GLIS3: variants seen among roughly 807,000 people sequenced by gnomAD.
GLIS3 encodes zinc finger protein GLIS3.
GLIS3 carries 53 observed loss-of-function variants against 78.6 expected under a neutral mutation model. The observed-to-expected ratio is 0.67, with a 90% CI of 0.54 to 0.85. GLIS3 has a LOEUF of 0.85. Among genes scored for constraint, GLIS3 ranks in the 40% least tolerant of loss-of-function variants. GLIS3 has a pLI of 0.00. For missense variants in GLIS3, 1,703 were observed against 1,231.1 expected (o/e 1.38, Z -5.74); for synonymous variants, 684 against 509.9 (o/e 1.34, Z -4.60).
At chr9:4,073,238 AT>A (rs1329388069) in intron 4 of GLIS3, among the ~76,000 whole-genome samples, 1 of 152,216 alleles carries the variant, frequency 6.6e-6, no homozygotes, top group Admixed American at 6.5e-5. Context: ...CTGGGCTAGC[AT>A]AGAGCACTGA....
At chr9:4,021,973 G>A (rs1285392330) in intron 4 of GLIS3, among the ~76,000 whole-genome samples, 1 of 152,134 alleles carries the variant, frequency 6.6e-6, no homozygotes, top group Non-Finnish European at 1.5e-5. Flanking sequence ...TTAAATAGCG[G>A]CTCGGTTAGT....
At chr9:4,389,061 C>T in the GLIS3 span, among the ~76,000 whole-genome samples, 73 of 152,264 alleles carry the variant, frequency 4.8e-4, 1 homozygote, top group Admixed American at 2.6e-3. Flanking sequence ...CCACAGCCTC[C>T]GTAAGCCTGA....
At chr9:4,237,513 C>T (rs1447203327) in intron 2 of GLIS3, among the ~76,000 whole-genome samples, 1 of 152,212 alleles carries the variant, frequency 6.6e-6, no homozygotes, top group African/African-American at 2.4e-5. Context: ...AGCCCTAGGG[C>T]ATGGCTGAAA....
rs374530678 is a variant in GLIS3 at position 4,117,837 on chromosome 9, G to A, written c.1641C>T (p.Pro547=). The change falls in exon 4 of 11, where the codon CCC becomes CCT. Residue 547 remains proline (P), a synonymous_variant. Transcript: ENST00000381971. The part of the protein sequence containing the change: ...FWAGCPRRYK[P]FNARYKLLIH... ...TCAGCAGTTTATAGCGGGCGTTGAA[G>A]GGCTTGTATCTTCGAGGGCAACCGG... The A allele has an allele frequency of 1.2e-5, 20 of 1,614,032 alleles. No individual in the cohort carries two copies. The highest frequency in any genetic ancestry group is 1.6e-5 in the Non-Finnish European group (19 of 1,180,034).
intron 4 of GLIS3, among the ~76,000 whole-genome samples, chr9:4,033,323 G>C (rs1222140291): frequency 2.0e-5 from 3 of 152,032 alleles, no homozygotes; most frequent in African/African-American, 7.2e-5. Flanking sequence ...ACCCCTTAAG[G>C]CTGCAGCGCA....
rs577649545 is a variant in GLIS3, at chr9:4,345,205, G to A, written n.264+1876C>T. Among the ~76,000 whole-genome samples the A allele has an allele frequency of 5.9e-5, 9 of 152,178 alleles. No homozygotes were observed. The South Asian group carries it at 6.2e-4, about 11-fold the overall frequency. ...GCCCCTGCGTTACCTCTGTGACCTC[G>A]TTTCCTACCTTTGCCCTTCCTTCAT... is the stretch of plus-strand genomic sequence containing the variant. On this transcript the variant is annotated intron_variant and non_coding_transcript_variant, in intron 2 of 4. Coordinates refer to the GLIS3 transcript ENST00000471664.
At chr9:3,867,118 T>G (rs1474059364) in intron 8 of GLIS3, among the ~76,000 whole-genome samples, 1 of 152,246 alleles carries the variant, frequency 6.6e-6, no homozygotes, top group Non-Finnish European at 1.5e-5. Flanking sequence ...AAGTTGAAGA[T>G]AACTATATAG....
intron 9 of GLIS3, among the ~76,000 whole-genome samples, chr9:3,830,853 G>C (rs1312252605): frequency 6.6e-6 from 1 of 152,194 alleles, no homozygotes; most frequent in East Asian, 1.9e-4. Flanking sequence ...AGGGTGAACT[G>C]ATACATCCAA....
At chr9:4,300,115 C>G (rs986276590), upstream of GLIS3, among the ~76,000 whole-genome samples, 3 of 141,930 alleles carry the variant, frequency 2.1e-5, no homozygotes, top group African/African-American at 8.0e-5. Flanking sequence ...TGAGTGTGAG[C>G]GCCGGAGGGG....
chr9:3,970,341 A>G (rs1187691409), intron 4 of GLIS3, among the ~76,000 whole-genome samples: 4 of 152,238 alleles, frequency 2.6e-5, no homozygotes, highest in Non-Finnish European at 5.9e-5. Context: ...TCCTTATATT[A>G]TGAGAAGATG....
Position 3,856,190 on chromosome 9 carries a change from A to G in GLIS3, c.2298-6T>C, listed in dbSNP as rs372118555. ...ATGGAGCAGAAGGTGCAAACCTGAGAAAACAATTATAAAAGGAAACATGAG... is the reference window on the plus strand; with the variant it reads ...ATGGAGCAGAAGGTGCAAACCTGAGGAAACAATTATAAAAGGAAACATGAG... On this transcript the variant is annotated splice_polypyrimidine_tract_variant and splice_region_variant and intron_variant, in intron 8 of 10. Coordinates refer to ENST00000381971, the MANE Select transcript of GLIS3 (RefSeq NM_001042413.2). 3 of 1,612,666 alleles carry G rather than the reference A, an allele frequency of 1.9e-6. No homozygotes were observed. The highest frequency in any genetic ancestry group is 8.5e-7 in the Non-Finnish European group (1 of 1,179,274).
At chr9:3,982,845 G>C (rs939368833) in intron 4 of GLIS3, among the ~76,000 whole-genome samples, 1 of 152,152 alleles carries the variant, frequency 6.6e-6, no homozygotes, top group African/African-American at 2.4e-5. Context: ...CCAGAAAGAA[G>C]GTAGGATAAT....
intron 2 of GLIS3, among the ~76,000 whole-genome samples, chr9:4,149,378 A>C (rs1374602477): frequency 6.6e-6 from 1 of 152,188 alleles, no homozygotes; most frequent in East Asian, 1.9e-4. Context: ...CAACTCAAAA[A>C]ACACACACAG....
intron 2 of GLIS3, among the ~76,000 whole-genome samples, chr9:4,230,497 G>C (rs1822160692): frequency 6.6e-6 from 1 of 152,128 alleles, no homozygotes; most frequent in African/African-American, 2.4e-5. Flanking sequence ...GAAAATGATG[G>C]AGGACCTATT....
At chr9:4,308,674 G>A (rs1817289039) in intron 4 of GLIS3, 1 of 152,372 alleles carries the variant, frequency 6.6e-6, no homozygotes, top group Non-Finnish European at 1.5e-5. Flanking sequence ...GCCTGGATGG[G>A]ATCTAGGCAT....
At chr9:4,321,213 G>T (rs1306152541) in intron 2 of GLIS3, among the ~76,000 whole-genome samples, 1 of 146,226 alleles carries the variant, frequency 6.8e-6, no homozygotes, top group Non-Finnish European at 1.5e-5. Flanking sequence ...AAGGTCAGGA[G>T]ATCGAGACCA....
At chr9:3,934,660 T>G (rs757265101) in intron 5 of GLIS3, among the ~76,000 whole-genome samples, 21 of 152,190 alleles carry the variant, frequency 1.4e-4, no homozygotes, top group Non-Finnish European at 2.2e-4. Flanking sequence ...CCACCCACCT[T>G]GGCTTCCCAA....
At chr9:4,045,757 A>G (rs545520030) in intron 4 of GLIS3, among the ~76,000 whole-genome samples, 10 of 152,306 alleles carry the variant, frequency 6.6e-5, no homozygotes, top group Admixed American at 5.9e-4. Context: ...ACAGTCTCGC[A>G]ATCACAGCTC....
chr9:4,430,278 T>C, the GLIS3 span, among the ~76,000 whole-genome samples: 1 of 152,368 alleles, frequency 6.6e-6, no homozygotes, highest in East Asian at 1.9e-4. Flanking sequence ...TATTTTTAGA[T>C]CATCCTATGT....
Sources: allele counts gnomAD v4.1 joint callset (sites outside exome capture counted in the v4.1 genomes callset), GRCh38; gene constraint gnomAD v4.1.1; transcripts MANE v1.5; gene names NCBI Gene and HGNC (gene_info 2026-07-23, HGNC 2026-07-21).